The following MARK2 variants were observed in gnomAD, a reference collection of about 807,000 sequenced individuals.
MARK2 encodes the protein serine/threonine-protein kinase MARK2.
A neutral mutation model predicts 89.8 loss-of-function variants in MARK2; 16 were observed. That is an observed-to-expected ratio of 0.18 (90% confidence interval 0.12 to 0.27). The LOEUF (loss-of-function observed/expected upper bound fraction) is 0.27. Ranked by LOEUF, MARK2 falls within the 10% of genes least tolerant of loss-of-function variation. MARK2 has a pLI of 1.00. For synonymous variants in MARK2, 382 were observed against 399.5 expected, an observed-to-expected ratio of 0.96 and a Z score of 0.52; for missense variants, 621 against 1,049.9, an observed-to-expected ratio of 0.59 and a Z score of 5.65.
chr11:63,892,477 C>T (rs1939947220), intron 1 of MARK2, among the ~76,000 whole-genome samples: 1 of 152,050 alleles, frequency 6.6e-6, no homozygotes, highest in Admixed American at 6.5e-5. Context: ...TTCTTTTTTT[C>T]TCTGTGGTTT....
chr11:63,877,100 C>CTTTTTTTT, intron 1 of MARK2, among the ~76,000 whole-genome samples: 1 of 79,472 alleles, frequency 1.3e-5, no homozygotes, highest in South Asian at 4.9e-4. Flanking sequence ...CAATCAGACT[C>CTTTTTTTT]TTTTTTTTTT....
chr11:63,906,819 G>A (rs879574978), intron 17 of MARK2, among the ~76,000 whole-genome samples: 12 of 51,384 alleles, frequency 2.3e-4, no homozygotes, highest in East Asian at 2.0e-3. Context: ...CCACCCACCC[G>A]CACCCCTGCC....
At chr11:63,848,516 G>A (rs2016391176) in intron 1 of MARK2, among the ~76,000 whole-genome samples, 1 of 151,512 alleles carries the variant, frequency 6.6e-6, no homozygotes. Context: ...CCAAGTAGCT[G>A]GTACTACAGG....
chr11:63,866,216 G>T (rs1464423811), intron 1 of MARK2, among the ~76,000 whole-genome samples: 2 of 152,042 alleles, frequency 1.3e-5, no homozygotes, highest in African/African-American at 2.4e-5. Flanking sequence ...GCCAGGCGTG[G>T]TGGTGTGCAT....
intron 1 of MARK2, among the ~76,000 whole-genome samples, chr11:63,890,998 T>G (rs976680384): frequency 6.6e-6 from 1 of 152,234 alleles, no homozygotes; most frequent in African/African-American, 2.4e-5. Flanking sequence ...CTTCCCCATT[T>G]GTAATAGTCT....
chr11:63,840,865 G>T (rs2015979409), intron 1 of MARK2, among the ~76,000 whole-genome samples: 1 of 152,162 alleles, frequency 6.6e-6, no homozygotes, highest in Non-Finnish European at 1.5e-5. Flanking sequence ...CATCCTGGCA[G>T]TCACTGCTAT....
chr11:63,881,152 C>A (rs903542305), intron 1 of MARK2, among the ~76,000 whole-genome samples: 7 of 150,304 alleles, frequency 4.7e-5, no homozygotes, highest in East Asian at 3.9e-4. Context: ...AAAAAAAAAA[C>A]AAATTAGCCA....
chr11:63,909,623 C>T lies in MARK2; in HGVS notation c.*386C>T, dbSNP rs144226146. The T allele has an allele frequency of 1.9e-5, 3 of 160,008 alleles. No individual in the cohort carries two copies. Among genetic ancestry groups the T allele is most frequent in the African/African-American group, 7.2e-5 (3 of 41,772 alleles). The allele number at this position is 160,008 out of a possible 1,614,324, so 9.9% of individuals were successfully genotyped here. On this transcript the variant is annotated 3_prime_UTR_variant, in exon 19 of 19. Transcript: ENST00000402010. ...CCCAGCGGCCACCTTTCCTCCCTGC[C>T]CCATTGGGACAGTCGAGACTGGATC...
Position 63,903,086 on chromosome 11 carries a change from A to G in MARK2, c.1442A>G (p.Asn481Ser), listed in dbSNP as rs370799027. The G allele has an allele frequency of 6.2e-7, 1 of 1,613,872 alleles. No homozygotes were observed. Among genetic ancestry groups the G allele is most frequent in the Non-Finnish European group, 8.5e-7 (1 of 1,179,966 alleles). Residue 481 changes from asparagine (N) to serine (S), a missense_variant, in exon 14 of 19, where the codon AAT becomes AGT. Coordinates refer to ENST00000402010, the MANE Select transcript of MARK2 (RefSeq NM_001039469.3). The surrounding 1 kb of genome is among the most constrained non-coding windows in gnomAD (Gnocchi z 5.1). ...AACAGCGTCCTCTCCACCAGCACAAATCGAAGCAGGAATTCCCCACTTTTG... is the reference window on the plus strand; with the variant it reads ...AACAGCGTCCTCTCCACCAGCACAAGTCGAAGCAGGAATTCCCCACTTTTG... ...STNSVLSTST[N>S]RSRNSPLLER...
intron 1 of MARK2, among the ~76,000 whole-genome samples, chr11:63,873,302 C>G (rs998856708): frequency 6.6e-6 from 1 of 152,086 alleles, no homozygotes; most frequent in Non-Finnish European, 1.5e-5. Context: ...TTCTTTAGTT[C>G]CTAAGCTCCA....
chr11:63,901,581 C>T (rs1369093636), intron 11 of MARK2, among the ~76,000 whole-genome samples: 1 of 139,956 alleles, frequency 7.1e-6, no homozygotes, highest in Admixed American at 7.9e-5. Context: ...CGGGTTCAAG[C>T]GATTCTCCTG....
At chr11:63,855,493 G>A (rs2016793806) in intron 1 of MARK2, among the ~76,000 whole-genome samples, 1 of 150,340 alleles carries the variant, frequency 6.7e-6, no homozygotes, top group Non-Finnish European at 1.5e-5. Context: ...CTGTACCCCA[G>A]CCTGGGCAAC....
intron 1 of MARK2, among the ~76,000 whole-genome samples, chr11:63,892,726 ATT>A (rs11412283): frequency 7.4e-5 from 9 of 122,108 alleles, no homozygotes; most frequent in African/African-American, 9.4e-5. Context: ...CAGACTCTGC[ATT>A]TTTTTTTTTT....
intron 4 of MARK2, 95 bp from the exon 5 acceptor site, chr11:63,898,513 G>T (rs1232293603): frequency 9.8e-7 from 1 of 1,024,628 alleles, no homozygotes; most frequent in Admixed American, 1.8e-5. Flanking sequence ...GAAAGGAGGG[G>T]AGACTTTCGT....
At chr11:63,875,856 A>G (rs1178231926) in intron 1 of MARK2, among the ~76,000 whole-genome samples, 1 of 152,160 alleles carries the variant, frequency 6.6e-6, no homozygotes, top group Non-Finnish European at 1.5e-5. Flanking sequence ...CAGCACCATC[A>G]CTTCCCTCCC....
intron 1 of MARK2, among the ~76,000 whole-genome samples, chr11:63,843,319 T>C (rs1265241511): frequency 1.3e-5 from 2 of 152,126 alleles, no homozygotes; most frequent in Non-Finnish European, 2.9e-5. Flanking sequence ...CTGCTAGAGT[T>C]TTCCATAACA....
At chr11:63,851,802 C>T (rs758870269) in intron 1 of MARK2, among the ~76,000 whole-genome samples, 19 of 151,836 alleles carry the variant, frequency 1.3e-4, no homozygotes, top group Non-Finnish European at 2.1e-4. Context: ...AGCCACCTCT[C>T]TCAGTAAAGC....
chr11:63,888,636 C>T (rs1401331251), intron 1 of MARK2: 3 of 1,169,106 alleles, frequency 2.6e-6, no homozygotes, highest in Non-Finnish European at 3.2e-6. Context: ...GACCACCAGG[C>T]TCTGGCCCTT....
chr11:63,909,192 C>T lies in MARK2; in HGVS notation c.2322C>T (p.Ala774=), dbSNP rs1390876348. The T allele has an allele frequency of 5.0e-6, 8 of 1,601,610 alleles. No individual in the cohort carries two copies. The highest frequency in any genetic ancestry group is 6.8e-6 in the Non-Finnish European group (8 of 1,169,836). The change falls in exon 19 of 19, where the codon GCC becomes GCT. Residue 774 remains alanine (A), a synonymous_variant. Coordinates refer to ENST00000402010, the MANE Select transcript of MARK2 (RefSeq NM_001039469.3). The stretch of plus-strand genomic sequence containing the variant: ...AGCGGATATCGGGCACCTCCATGGC[C>T]TTCAAAAACATTGCCTCCAAAATAG... ...RFKRISGTSM[A]FKNIASKIAN... is the part of the protein sequence containing the mutation.
Sources: allele counts gnomAD v4.1 joint callset (sites outside exome capture counted in the v4.1 genomes callset), GRCh38; gene constraint gnomAD v4.1.1; non-coding constraint Gnocchi (gnomAD v3.1); transcripts MANE v1.5; gene names NCBI Gene and HGNC (gene_info 2026-07-23, HGNC 2026-07-21).